CNKSR2: variants seen among roughly 807,000 people sequenced by gnomAD.
CNKSR2 encodes connector enhancer of kinase suppressor of Ras 2.
A neutral mutation model predicts 84.4 loss-of-function variants in CNKSR2; 14 were observed. The observed-to-expected ratio is 0.17, with a 90% CI of 0.11 to 0.26. The LOEUF is 0.26. Among genes scored for constraint, CNKSR2 ranks in the 10% least tolerant of loss-of-function variants. The pLI is 1.00. For missense variants in CNKSR2, 485 were observed against 771.2 expected (o/e 0.63, Z 4.40); for synonymous variants, 275 against 277.9 (o/e 0.99, Z 0.10).
chrX:21,637,549 TAAA>T, intron 20 of CNKSR2: 1 of 111,030 alleles, frequency 9.0e-6, no homozygotes, highest in Admixed American at 9.6e-5. Context: ...TATTAAAAAA[TAAA>T]AAAAATCTTT....
chrX:21,544,319 C>T (rs1246622503), intron 11 of CNKSR2, among the ~76,000 whole-genome samples: 5 of 111,379 alleles, frequency 4.5e-5, no homozygotes, highest in African/African-American at 1.6e-4. Context: ...CTCTTAAGCT[C>T]CAGTATAAAA....
chrX:21,483,943 G>C (rs2091351304), intron 5 of CNKSR2, among the ~76,000 whole-genome samples: 1 of 111,857 alleles, frequency 8.9e-6, no homozygotes, highest in East Asian at 2.8e-4. Context: ...CATTGGCACA[G>C]AGTTGCAGAA....
At chrX:21,382,143 G>A (rs1298771962) in intron 1 of CNKSR2, among the ~76,000 whole-genome samples, 1 of 111,595 alleles carries the variant, frequency 9.0e-6, no homozygotes, top group African/African-American at 3.3e-5. Context: ...GACAATGCAC[G>A]TAAAGTCCCT....
At chrX:21,465,705 C>T (rs377484660) in intron 4 of CNKSR2, among the ~76,000 whole-genome samples, 3 of 111,149 alleles carry the variant, frequency 2.7e-5, no homozygotes, top group East Asian at 5.6e-4. Flanking sequence ...TTCACTATCT[C>T]TCTTTATATA....
intron 4 of CNKSR2, among the ~76,000 whole-genome samples, chrX:21,444,762 TAA>T (rs142552074): frequency 1.2e-4 from 12 of 99,455 alleles, no homozygotes; most frequent in Middle Eastern, 5.1e-3. Flanking sequence ...AAATGTGATT[TAA>T]AAAAAAAAAA....
chrX:21,558,636 TA>T (rs1401628130), intron 11 of CNKSR2, among the ~76,000 whole-genome samples: 1 of 110,289 alleles, frequency 9.1e-6, no homozygotes, highest in Non-Finnish European at 1.9e-5. Context: ...CAACCAGACA[TA>T]TCAAGGGCTT....
At chrX:21,625,473 A>G (rs1168971554) in intron 20 of CNKSR2, among the ~76,000 whole-genome samples, 3 of 111,733 alleles carry the variant, frequency 2.7e-5, no homozygotes, top group African/African-American at 9.8e-5. Context: ...AGTTCCATCA[A>G]TCTGCTTCTA....
At chrX:21,428,262 TC>T (rs2090590731) in intron 2 of CNKSR2, 2 of 112,040 alleles carry the variant, frequency 1.8e-5, no homozygotes. Flanking sequence ...GCATAATTTT[TC>T]TCTTACCTGC....
At chrX:21,514,068 C>T (rs1053060046) in intron 8 of CNKSR2, among the ~76,000 whole-genome samples, 1 of 111,610 alleles carries the variant, frequency 9.0e-6, no homozygotes, top group African/African-American at 3.2e-5. Flanking sequence ...TATTTATGTA[C>T]ATTCTTTAAC....
At chrX:21,416,397 G>A (rs1020252846) in intron 1 of CNKSR2, among the ~76,000 whole-genome samples, 9 of 111,288 alleles carry the variant, frequency 8.1e-5, no homozygotes, top group Non-Finnish European at 1.3e-4. Context: ...TTGGCCTGTA[G>A]TTTTCTTTTT....
chrX:21,648,282 G>T (rs1044353549), intron 20 of CNKSR2, among the ~76,000 whole-genome samples: 8 of 111,581 alleles, frequency 7.2e-5, no homozygotes, highest in African/African-American at 2.6e-4. Context: ...ACAATTGGAA[G>T]ATTTTTACAA....
At chrX:21,394,947 G>C (rs1314621488) in intron 1 of CNKSR2, among the ~76,000 whole-genome samples, 1 of 111,400 alleles carries the variant, frequency 9.0e-6, no homozygotes, top group Non-Finnish European at 1.9e-5. Flanking sequence ...TTGGATCACT[G>C]AAAACAAGAG....
rs145988152 is a variant in CNKSR2 at position 21,463,313 on chromosome X, G to A, written c.520-7453G>A. 2.3e-3 allele frequency among the ~76,000 whole-genome samples: 256 copies of A among 111,125 alleles called. 2 individuals carry two copies. In the South Asian group the frequency reaches 0.048, roughly 21 times the overall value. On this transcript the variant is annotated intron_variant, in intron 4 of 21. Transcript: ENST00000379510. ...TCTTTCTTTGGTGTGTCTTTGTCTGGTTTTGGTACCAGGGTAATATTGGCC... is the reference window on the plus strand; with the variant it reads ...TCTTTCTTTGGTGTGTCTTTGTCTGATTTTGGTACCAGGGTAATATTGGCC...
At chrX:21,629,235 A>C (rs1287854194) in intron 20 of CNKSR2, among the ~76,000 whole-genome samples, 1 of 112,016 alleles carries the variant, frequency 8.9e-6, no homozygotes, top group East Asian at 2.8e-4. Flanking sequence ...ATTTTGGTCA[A>C]AGCCATTCAA....
At chrX:21,409,798 A>G (rs1300002852) in intron 1 of CNKSR2, among the ~76,000 whole-genome samples, 1 of 111,315 alleles carries the variant, frequency 9.0e-6, no homozygotes, top group Non-Finnish European at 1.9e-5. Context: ...CTAAGTATCC[A>G]TAAAACATGA....
chrX:21,385,733 G>A (rs975112740), intron 1 of CNKSR2, among the ~76,000 whole-genome samples: 7 of 111,434 alleles, frequency 6.3e-5, no homozygotes, highest in Non-Finnish European at 1.1e-4. Flanking sequence ...TAGATGTGAC[G>A]TGAGAGGAAT....
At chrX:21,604,763 C>T (rs2092506394) in intron 18 of CNKSR2, among the ~76,000 whole-genome samples, 1 of 111,129 alleles carries the variant, frequency 9.0e-6, no homozygotes, top group Non-Finnish European at 1.9e-5. Flanking sequence ...TTGGCAGGGG[C>T]GGGTTTGCTT....
chrX:21,570,094 G>T (rs1417702809), intron 13 of CNKSR2, among the ~76,000 whole-genome samples: 2 of 112,074 alleles, frequency 1.8e-5, no homozygotes, highest in African/African-American at 3.2e-5. Context: ...AGCTCCATCA[G>T]CCCCTAACAA....
intron 5 of CNKSR2, among the ~76,000 whole-genome samples, chrX:21,482,910 A>T (rs964912794): frequency 8.9e-6 from 1 of 111,848 alleles, no homozygotes; most frequent in Non-Finnish European, 1.9e-5. Flanking sequence ...CCTTATTGGG[A>T]TGAAGTTCAC....
Sources: allele counts gnomAD v4.1 joint callset (sites outside exome capture counted in the v4.1 genomes callset), GRCh38; gene constraint gnomAD v4.1.1; transcripts MANE v1.5; gene names NCBI Gene and HGNC (gene_info 2026-07-23, HGNC 2026-07-21).